WWOX: variants seen among roughly 807,000 people sequenced by gnomAD.
WWOX encodes WW domain containing oxidoreductase.
WWOX carries 69 observed loss-of-function variants against 46.2 expected under a neutral mutation model. That is an observed-to-expected ratio of 1.49 (90% CI 1.23 to 1.82). WWOX has a LOEUF of 1.82. Among genes scored for constraint, WWOX ranks in the 40% most tolerant of loss-of-function variants. WWOX has a pLI of 0.00. For missense variants in WWOX, 919 were observed against 542.6 expected, an observed-to-expected ratio of 1.69 and a Z score of -6.89; for synonymous variants, 359 against 202.6, an observed-to-expected ratio of 1.77 and a Z score of -6.56.
At chr16:78,790,744 G>C (rs2142592460) in intron 8 of WWOX, among the ~76,000 whole-genome samples, 1 of 152,250 alleles carries the variant, frequency 6.6e-6, no homozygotes, top group East Asian at 1.9e-4. Context: ...TGTTGGCTGG[G>C]CACAGTGACT....
intron 8 of WWOX, among the ~76,000 whole-genome samples, chr16:78,662,314 G>A (rs895564194): frequency 1.3e-5 from 2 of 152,116 alleles, no homozygotes; most frequent in African/African-American, 2.4e-5. Flanking sequence ...TGAGAGTGTT[G>A]GTCAGCATTT....
intron 8 of WWOX, among the ~76,000 whole-genome samples, chr16:78,532,831 C>A (rs2043655653): frequency 2.0e-5 from 3 of 152,174 alleles, no homozygotes; most frequent in African/African-American, 7.2e-5. Flanking sequence ...CCACCTGGTC[C>A]CTCCTGCAAC....
At chr16:78,748,943 C>G (rs73571700) in intron 8 of WWOX, among the ~76,000 whole-genome samples, 9 of 152,348 alleles carry the variant, frequency 5.9e-5, no homozygotes, top group African/African-American at 2.2e-4. Context: ...AATAATTCAT[C>G]TTTATGCCCG....
intron 4 of WWOX, among the ~76,000 whole-genome samples, chr16:78,159,758 G>A (rs72804952): frequency 0.15 from 19,914 of 130,716 alleles, 1,519 homozygotes; most frequent in Admixed American, 0.23. Context: ...TATGAGGTTT[G>A]CAAGTATTTT....
chr16:79,014,522 A>G (rs1436564433), intron 8 of WWOX, among the ~76,000 whole-genome samples: 1 of 152,194 alleles, frequency 6.6e-6, no homozygotes, highest in Non-Finnish European at 1.5e-5. Context: ...AGATCCTTCT[A>G]AGATTTTTCA....
chr16:78,665,497 C>T (rs1301818318), intron 8 of WWOX, among the ~76,000 whole-genome samples: 1 of 152,054 alleles, frequency 6.6e-6, no homozygotes, highest in African/African-American at 2.4e-5. Context: ...AATCTGGGGG[C>T]AAGAGACGTG....
intron 8 of WWOX, among the ~76,000 whole-genome samples, chr16:78,995,739 C>G (rs376847044): frequency 3.0e-4 from 46 of 152,244 alleles, no homozygotes; most frequent in African/African-American, 8.2e-4. Flanking sequence ...TTCAATAAAT[C>G]ACTATAAAAA....
intron 8 of WWOX, among the ~76,000 whole-genome samples, chr16:78,501,752 G>T (rs751667867): frequency 7.9e-5 from 12 of 152,094 alleles, no homozygotes; most frequent in Admixed American, 3.3e-4. Flanking sequence ...GGCCAGGCTG[G>T]TCTCGAACTC....
chr16:79,059,264 T>C (rs1194938503), intron 8 of WWOX, among the ~76,000 whole-genome samples: 1 of 152,176 alleles, frequency 6.6e-6, no homozygotes, highest in African/African-American at 2.4e-5. Flanking sequence ...AACCATAAAA[T>C]ACAGCGTAAA....
chr16:78,536,653 G>T (rs935944144), intron 8 of WWOX, among the ~76,000 whole-genome samples: 1 of 152,126 alleles, frequency 6.6e-6, no homozygotes, highest in African/African-American at 2.4e-5. Flanking sequence ...AGAAAGCTGA[G>T]CATGGGATTG....
intron 8 of WWOX, among the ~76,000 whole-genome samples, chr16:78,919,503 T>A (rs987816274): frequency 6.8e-6 from 1 of 146,608 alleles, no homozygotes; most frequent in African/African-American, 2.5e-5. Context: ...TTCTCTTTTT[T>A]TTCTTTTATC....
chr16:78,589,320 C>G (rs2045297137), intron 8 of WWOX, among the ~76,000 whole-genome samples: 1 of 152,144 alleles, frequency 6.6e-6, no homozygotes, highest in Non-Finnish European at 1.5e-5. Context: ...ATTAGTCCTC[C>G]TTGATGGGGG....
chr16:78,603,854 A>C (rs1270966309), intron 8 of WWOX, among the ~76,000 whole-genome samples: 3 of 152,184 alleles, frequency 2.0e-5, no homozygotes, highest in African/African-American at 7.2e-5. Context: ...CTCAAAAATT[A>C]GAAGCTGGCT....
At chr16:78,578,843 A>G (rs553932737) in intron 8 of WWOX, among the ~76,000 whole-genome samples, 2 of 152,292 alleles carry the variant, frequency 1.3e-5, no homozygotes, top group East Asian at 1.9e-4. Flanking sequence ...GTTACATGCT[A>G]CAGAACATCT....
chr16:78,371,516 T>G (rs1012382178), intron 5 of WWOX, among the ~76,000 whole-genome samples: 1 of 145,096 alleles, frequency 6.9e-6, no homozygotes, highest in African/African-American at 2.8e-5. Context: ...TATCTAAATA[T>G]TCCATTTTGT....
chr16:79,139,089 C>A (rs949962249), intron 8 of WWOX, among the ~76,000 whole-genome samples: 9 of 152,186 alleles, frequency 5.9e-5, no homozygotes, highest in African/African-American at 2.2e-4. Context: ...CCGTCTCATC[C>A]ACCAGCTTCC....
At chr16:78,377,800 C>T (rs775066857) in intron 5 of WWOX, among the ~76,000 whole-genome samples, 7 of 152,134 alleles carry the variant, frequency 4.6e-5, no homozygotes, top group Admixed American at 3.3e-4. Context: ...TGGCACGCAA[C>T]TCATATACTA....
intron 8 of WWOX, among the ~76,000 whole-genome samples, chr16:78,767,970 T>C (rs2049965216): frequency 1.3e-5 from 2 of 152,144 alleles, no homozygotes; most frequent in African/African-American, 4.8e-5. Context: ...TAATGTCTTC[T>C]AGTACTGTTT....
At position 78,944,473 on chromosome 16, in the gene WWOX, C is replaced by A. The variant is rs571641739; in HGVS notation, c.1057-267135C>A. Among the ~76,000 whole-genome samples, 21 of 152,252 alleles carry A rather than the reference C, an allele frequency of 1.4e-4. No homozygotes were observed. In the East Asian group the frequency reaches 3.7e-3, roughly 27 times the overall value. ...CACAATATGATACTCTGAACATCTT[C>A]TCTGACAAAAACTGGTCCTCAAGAT... On this transcript the variant is annotated intron_variant, in intron 8 of 8. Transcript: ENST00000566780.
Sources: allele counts gnomAD v4.1 joint callset (sites outside exome capture counted in the v4.1 genomes callset), GRCh38; gene constraint gnomAD v4.1.1; transcripts MANE v1.5; gene names NCBI Gene and HGNC (gene_info 2026-07-23, HGNC 2026-07-21).